Variants in GPR158 observed in about 807,000 individuals in gnomAD.
The protein encoded by GPR158 is metabotropic glycine receptor.
Under a neutral mutation model 78.2 loss-of-function variants are expected in GPR158, and 30 were observed. That is an observed-to-expected ratio of 0.38 (90% CI 0.29 to 0.52). The LOEUF is 0.52. GPR158 is among the 20% of genes least tolerant of loss of function. The pLI is 0.83. For missense variants in GPR158, 1,463 were observed against 1,523.5 expected, an observed-to-expected ratio of 0.96 and a Z score of 0.66; for synonymous variants, 581 against 591.1, an observed-to-expected ratio of 0.98 and a Z score of 0.25.
chr10:25,388,470 C>A (rs892539961), intron 2 of GPR158, among the ~76,000 whole-genome samples: 3 of 152,230 alleles, frequency 2.0e-5, no homozygotes, highest in African/African-American at 4.8e-5. Context: ...AGCACCAGGC[C>A]AAATGTGCAG....
intron 2 of GPR158, among the ~76,000 whole-genome samples, chr10:25,349,927 G>C (rs1855433860): frequency 6.6e-6 from 1 of 151,962 alleles, no homozygotes; most frequent in Non-Finnish European, 1.5e-5. Flanking sequence ...GTACTTGACA[G>C]CTTCATCTGG....
At chr10:25,290,607 G>T (rs944545471) in intron 2 of GPR158, among the ~76,000 whole-genome samples, 1 of 152,128 alleles carries the variant, frequency 6.6e-6, no homozygotes, top group Non-Finnish European at 1.5e-5. Context: ...ATCAGAAAAT[G>T]TAGGCCTTTG....
intron 2 of GPR158, among the ~76,000 whole-genome samples, chr10:25,380,246 C>A (rs540565820): frequency 6.6e-6 from 1 of 152,270 alleles, no homozygotes; most frequent in Non-Finnish European, 1.5e-5. Context: ...TCATCCTATA[C>A]CTGTCTCCCT....
At chr10:25,415,899 C>CA (rs1201024940) in intron 4 of GPR158, among the ~76,000 whole-genome samples, 1 of 151,872 alleles carries the variant, frequency 6.6e-6, no homozygotes, top group Non-Finnish European at 1.5e-5. Context: ...TTTGGAAAGA[C>CA]AAAAATGTTA....
chr10:25,484,252 CTT>C (rs1474700369), intron 5 of GPR158, among the ~76,000 whole-genome samples: 1 of 152,180 alleles, frequency 6.6e-6, no homozygotes, highest in Non-Finnish European at 1.5e-5. Flanking sequence ...CTAGAGCACT[CTT>C]AGCCCACGTA....
chr10:25,233,933 A>G (rs1008479589), intron 2 of GPR158, among the ~76,000 whole-genome samples: 8 of 152,234 alleles, frequency 5.3e-5, no homozygotes, highest in Admixed American at 2.6e-4. Context: ...TTTGGAAAAT[A>G]TAGTTTTTTT....
At chr10:25,378,262 G>C (rs186066593) in intron 2 of GPR158, among the ~76,000 whole-genome samples, 1 of 152,064 alleles carries the variant, frequency 6.6e-6, no homozygotes, top group East Asian at 1.9e-4. Context: ...CAACTATTCT[G>C]ATTTCTAAGA....
At chr10:25,304,741 G>C (rs1158799839) in intron 2 of GPR158, among the ~76,000 whole-genome samples, 1 of 152,088 alleles carries the variant, frequency 6.6e-6, no homozygotes, top group Non-Finnish European at 1.5e-5. Flanking sequence ...TGGCTAGTAG[G>C]CTAATAAGTA....
At chr10:25,584,526 A>G (rs1837242972) in intron 7 of GPR158, among the ~76,000 whole-genome samples, 1 of 152,210 alleles carries the variant, frequency 6.6e-6, no homozygotes, top group South Asian at 2.1e-4. Context: ...AATTAACCTG[A>G]TAACTACTTT....
intron 2 of GPR158, among the ~76,000 whole-genome samples, chr10:25,357,501 C>T (rs1855570286): frequency 6.6e-6 from 1 of 152,098 alleles, no homozygotes. Context: ...AGTCTAGGGA[C>T]TTGGTGCCCT....
intron 4 of GPR158, among the ~76,000 whole-genome samples, chr10:25,430,157 G>A (rs1253891567): frequency 6.6e-6 from 1 of 151,864 alleles, no homozygotes; most frequent in East Asian, 1.9e-4. Context: ...AGCAACTTCA[G>A]CAAAGTCTCA....
intron 5 of GPR158, among the ~76,000 whole-genome samples, chr10:25,545,849 A>G (rs573123523): frequency 6.6e-6 from 1 of 152,164 alleles, no homozygotes; most frequent in South Asian, 2.1e-4. Flanking sequence ...GTACTATCTT[A>G]GGGAATGGAC....
chr10:25,243,194 T>G (rs1411069479), intron 2 of GPR158, among the ~76,000 whole-genome samples: 1 of 152,234 alleles, frequency 6.6e-6, no homozygotes, highest in Non-Finnish European at 1.5e-5. Context: ...CAATCCCTTT[T>G]GCCAGCTCTT....
chr10:25,569,161 T>G (rs1262085024), intron 6 of GPR158, among the ~76,000 whole-genome samples: 1 of 152,196 alleles, frequency 6.6e-6, no homozygotes, highest in East Asian at 1.9e-4. Flanking sequence ...GGATTTTGCT[T>G]TGGTTTTGCT....
intron 2 of GPR158, among the ~76,000 whole-genome samples, chr10:25,293,273 G>C (rs1376014971): frequency 2.0e-5 from 3 of 152,078 alleles, no homozygotes; most frequent in Non-Finnish European, 2.9e-5. Context: ...GTTGTAACAT[G>C]GTTACTTACT....
intron 4 of GPR158, among the ~76,000 whole-genome samples, chr10:25,459,442 G>A (rs2130610197): frequency 6.6e-6 from 1 of 152,190 alleles, no homozygotes; most frequent in African/African-American, 2.4e-5. Context: ...TATCTTCAGA[G>A]GTTTCTTTTG....
intron 2 of GPR158, among the ~76,000 whole-genome samples, chr10:25,292,876 A>G (rs1216002963): frequency 6.6e-6 from 1 of 152,178 alleles, no homozygotes; most frequent in Non-Finnish European, 1.5e-5. Flanking sequence ...CTAAATCTAT[A>G]TGGTTCATTA....
chr10:25,355,275 G>A (rs1855533533), intron 2 of GPR158, among the ~76,000 whole-genome samples: 1 of 151,670 alleles, frequency 6.6e-6, no homozygotes. Flanking sequence ...GCTTGCTGCT[G>A]CTTTCATCTG....
At position 25,516,991 on chromosome 10, in the gene GPR158, T is replaced by C. The variant is rs1319837656; in HGVS notation, c.1405-33985T>C. 1.3e-5 allele frequency among the ~76,000 whole-genome samples: 2 copies of C among 150,042 alleles called. 1 individual carries two copies. Among genetic ancestry groups the C allele is most frequent in the African/African-American group, 5.1e-5 (2 of 39,422 alleles). ...TGGCCATTTTCACGATATTGATTCT[T>C]CCTACCCATGAGCATGGAATGCTCT... On this transcript the variant is annotated intron_variant, in intron 5 of 10. Transcript: ENST00000376351.
Sources: gnomAD v4.1 joint callset for allele counts (sites outside exome capture counted in the v4.1 genomes callset) on GRCh38, gnomAD v4.1.1 for gene constraint, MANE v1.5 for transcripts, NCBI Gene and HGNC (gene_info 2026-07-23, HGNC 2026-07-21) for gene names.